The following CCSER2 variants were observed in gnomAD, a reference collection of about 807,000 sequenced individuals.
CCSER2 encodes serine-rich coiled-coil domain-containing protein 2.
CCSER2 carries 46 observed loss-of-function variants against 92.3 expected under a neutral mutation model. The ratio of observed to expected loss-of-function variants is 0.50; its 90% CI spans 0.39 to 0.64. The LOEUF (loss-of-function observed/expected upper bound fraction) is 0.64, where lower values mean the gene tolerates loss of function less well. Ranked by LOEUF, CCSER2 falls within the 30% of genes least tolerant of loss-of-function variation. The pLI, the probability that CCSER2 is intolerant of heterozygous loss-of-function variation, is 0.00. For synonymous variants in CCSER2, 433 were observed against 431.4 expected (o/e 1.00, Z -0.04); for missense variants, 1,244 against 1,238.9 (o/e 1.00, Z -0.06).
intron 1 of CCSER2, among the ~76,000 whole-genome samples, chr10:84,330,398 G>T (rs147723842): frequency 2.6e-5 from 4 of 152,136 alleles, no homozygotes; most frequent in Admixed American, 6.5e-5. Context: ...CACTTCTGAG[G>T]CTTGTCTAGA....
intron 1 of CCSER2, among the ~76,000 whole-genome samples, chr10:84,360,570 A>G (rs964367045): frequency 6.6e-6 from 1 of 152,200 alleles, no homozygotes; most frequent in African/African-American, 2.4e-5. Flanking sequence ...TAAATGATGT[A>G]CTCTTGGTGA....
rs1377807384 is a variant in CCSER2 at position 84,498,563 on chromosome 10, T to C, written c.2326-14886T>C. On this transcript the variant is annotated intron_variant, in intron 9 of 9. Transcript: ENST00000372088. ...TTGATTATACCTGAGTCAAAGAATG[T>C]TGATACGGAAAGTGAGAAAAATTTT... Among the ~76,000 whole-genome samples, 4 of 152,196 alleles carry C rather than the reference T, an allele frequency of 2.6e-5. No individual in the cohort carries two copies. In the East Asian group the frequency reaches 7.7e-4, roughly 29 times the overall value.
intron 9 of CCSER2, among the ~76,000 whole-genome samples, chr10:84,487,770 A>G (rs888982539): frequency 2.6e-5 from 4 of 152,178 alleles, no homozygotes; most frequent in Admixed American, 1.3e-4. Context: ...AGAACTTCCA[A>G]CACTATGTTG....
At chr10:84,457,620 A>AT (rs1483185597) in intron 6 of CCSER2, among the ~76,000 whole-genome samples, 7 of 90,112 alleles carry the variant, frequency 7.8e-5, no homozygotes, top group Admixed American at 5.6e-4. Context: ...ATATAATTAT[A>AT]TATTTATATA....
At chr10:84,466,689 A>G (rs948865303) in intron 7 of CCSER2, among the ~76,000 whole-genome samples, 2 of 131,796 alleles carry the variant, frequency 1.5e-5, no homozygotes, top group South Asian at 2.3e-4. Flanking sequence ...TTTTTTTTGT[A>G]TTTTTAGTAG....
At chr10:84,391,988 T>C in intron 3 of CCSER2, 1 of 1,334,274 alleles carries the variant, frequency 7.5e-7, no homozygotes, top group Non-Finnish European at 1.1e-6. Context: ...ATTGGAGGCA[T>C]TTCTCTGACC....
chr10:84,400,901 G>A (rs1009518668), intron 3 of CCSER2, among the ~76,000 whole-genome samples: 22 of 151,840 alleles, frequency 1.4e-4, no homozygotes, highest in Admixed American at 6.6e-5. Context: ...CAACAAAAGC[G>A]AAACTCCATC....
chr10:84,478,053 G>A (rs186237847), intron 9 of CCSER2, among the ~76,000 whole-genome samples: 1 of 152,084 alleles, frequency 6.6e-6, no homozygotes, highest in East Asian at 1.9e-4. Flanking sequence ...TTCCTTTTTT[G>A]TTAAAACTTT....
At chr10:84,405,224 G>C (rs889950488) in intron 3 of CCSER2, among the ~76,000 whole-genome samples, 1 of 152,172 alleles carries the variant, frequency 6.6e-6, no homozygotes, top group Non-Finnish European at 1.5e-5. Flanking sequence ...ACTCAGTGGA[G>C]AAATCTTTCA....
At chr10:84,503,100 T>G (rs1200490672) in intron 9 of CCSER2, among the ~76,000 whole-genome samples, 1 of 152,006 alleles carries the variant, frequency 6.6e-6, no homozygotes, top group East Asian at 1.9e-4. Flanking sequence ...GGCGGGTGCC[T>G]GTAGTCCCAG....
rs140010359 is a variant in CCSER2 at position 84,330,012 on chromosome 10, T to C, written c.-40+1204T>C. Among the ~76,000 whole-genome samples, 961 of 152,374 alleles carry C rather than the reference T, an allele frequency of 6.3e-3. 6 individuals carry two copies. Among genetic ancestry groups the C allele is most frequent in the African/African-American group, 0.021 (880 of 41,586 alleles). ...GCATAAGCCATAGTTAAGAAAGCAC[T>C]AGAAGCCATCCTGAAAGCAAGCCGA... On this transcript the variant is annotated intron_variant, in intron 1 of 9. Transcript: ENST00000372088.
chr10:84,420,054 C>T (rs1381642800), intron 4 of CCSER2, among the ~76,000 whole-genome samples: 1 of 152,204 alleles, frequency 6.6e-6, no homozygotes, highest in Non-Finnish European at 1.5e-5. Flanking sequence ...CGGAATAAAT[C>T]ACATGCTAGG....
chr10:84,372,950 T>G (rs1846144879), intron 2 of CCSER2, among the ~76,000 whole-genome samples: 1 of 152,136 alleles, frequency 6.6e-6, no homozygotes. Context: ...TTAGATACAC[T>G]TCCTGAGAGA....
intron 7 of CCSER2, among the ~76,000 whole-genome samples, chr10:84,467,814 T>C (rs1262296336): frequency 6.6e-6 from 1 of 152,240 alleles, no homozygotes; most frequent in East Asian, 1.9e-4. Flanking sequence ...TCTGTTCTTT[T>C]CTCACATGCA....
intron 6 of CCSER2, among the ~76,000 whole-genome samples, chr10:84,447,951 A>G (rs1845030327): frequency 6.6e-6 from 1 of 151,848 alleles, no homozygotes; most frequent in Non-Finnish European, 1.5e-5. Context: ...GCCCCACCAT[A>G]CCCGGCTATT....
chr10:84,472,769 CAG>C (rs1846893264), intron 8 of CCSER2, among the ~76,000 whole-genome samples: 1 of 152,084 alleles, frequency 6.6e-6, no homozygotes, highest in Non-Finnish European at 1.5e-5. Flanking sequence ...CTTTTAACCT[CAG>C]AATGTATCTT....
In CCSER2 at chr10:84,414,383, A is replaced by G. The variant is rs187606465; in HGVS notation, c.1615-3388A>G. ...ATCGGCATTTGTTTGTCTGAAAAGG[A>G]TCTTATTTCTCCTTTGCTTATGAAG... On this transcript the variant is annotated intron_variant, in intron 3 of 9. Transcript: ENST00000372088. 4.3e-4 allele frequency among the ~76,000 whole-genome samples: 65 copies of G among 152,204 alleles called. No homozygotes were observed. The East Asian group carries it at 0.011, about 26-fold the overall frequency.
At position 84,328,607 on chromosome 10, in the gene CCSER2, G is replaced by A. The variant is rs1843381110; in HGVS notation, c.-241G>A. ...GGAGGGCGGAGTCCGGGCGGGCGCC[G>A]GCCGAGGGAGGGGGCGCGGCGGCTT... On this transcript the variant is annotated 5_prime_UTR_variant, in exon 1 of 10. Transcript: ENST00000372088. 6.6e-6 allele frequency: 1 copy of A among 150,840 alleles called. No homozygotes were observed. The highest frequency in any genetic ancestry group is 2.1e-4 in the South Asian group (1 of 4,838). The allele number at this position is 150,840 out of a possible 1,614,324, so 9.3% of individuals were successfully genotyped here.
At chr10:84,513,024 CT>C (rs35483621) in intron 9 of CCSER2, among the ~76,000 whole-genome samples, 12 of 149,600 alleles carry the variant, frequency 8.0e-5, no homozygotes, top group South Asian at 2.1e-4. Context: ...TGGTGTACAA[CT>C]TTTTTTTTTA....
Sources: allele counts gnomAD v4.1 joint callset (sites outside exome capture counted in the v4.1 genomes callset), GRCh38; gene constraint gnomAD v4.1.1; transcripts MANE v1.5; gene names NCBI Gene and HGNC (gene_info 2026-07-23, HGNC 2026-07-21).